Variants in LARGE1 observed in about 807,000 individuals in gnomAD.
The protein encoded by LARGE1 is xylosyl- and glucuronyltransferase LARGE1.
Under a neutral mutation model 87.6 loss-of-function variants are expected in LARGE1, and 43 were observed. The ratio of observed to expected loss-of-function variants is 0.49; its 90% CI spans 0.38 to 0.63. The LOEUF is 0.63. LARGE1 is among the 30% of genes least tolerant of loss of function. The pLI is 0.00. For synonymous variants in LARGE1, 434 were observed against 394.6 expected, an observed-to-expected ratio of 1.10 and a Z score of -1.18; for missense variants, 802 against 1,000.2, an observed-to-expected ratio of 0.80 and a Z score of 2.67.
In LARGE1 at chr22:33,509,958, C is replaced by T. The variant is rs80264225; in HGVS notation, c.787+54890G>A. On this transcript the variant is annotated intron_variant, in intron 6 of 14. Coordinates refer to ENST00000397394, the MANE Select transcript of LARGE1 (RefSeq NM_133642.5). ...AAAGTCTCGCCGCTCCCCTGTGAGC[C>T]CTCATCTCTGACCTTGCTTTGATCT... Among the ~76,000 whole-genome samples, 201 of 152,214 alleles carry T rather than the reference C, an allele frequency of 1.3e-3. 1 individual carries two copies. The highest frequency in any genetic ancestry group is 3.4e-3 in the Middle Eastern group (1 of 294).
At chr22:33,173,644 A>ATTG (rs1267765817) in intron 11 of LARGE1, among the ~76,000 whole-genome samples, 1 of 151,264 alleles carries the variant, frequency 6.6e-6, no homozygotes, top group African/African-American at 2.4e-5. Flanking sequence ...AAGGAGGAAG[A>ATTG]TTTACTGAGC....
chr22:33,767,460 T>A (rs5754663), intron 1 of LARGE1, among the ~76,000 whole-genome samples: 2 of 148,508 alleles, frequency 1.3e-5, no homozygotes, highest in East Asian at 3.9e-4. Flanking sequence ...TAAGCTTTAA[T>A]ATATATACAT....
At chr22:33,816,852 T>A (rs2086668720) in intron 1 of LARGE1, among the ~76,000 whole-genome samples, 1 of 152,130 alleles carries the variant, frequency 6.6e-6, no homozygotes. Context: ...CTCAATCATT[T>A]CAAATTCCAG....
In LARGE1 at chr22:33,736,705, C is replaced by T. The variant is rs539597992; in HGVS notation, c.106+24666G>A. Among the ~76,000 whole-genome samples the T allele has an allele frequency of 2.6e-4, 39 of 152,200 alleles. No individual in the cohort carries two copies. The East Asian group carries it at 6.8e-3, about 26-fold the overall frequency. ...TAGTGTCATATCTCAGAAACCGTTG[C>T]CTAATCTAAAGTCACAAAGATTTAC... On this transcript the variant is annotated intron_variant, in intron 2 of 14. Transcript: ENST00000397394.
At chr22:33,363,549 G>A (rs1351041866) in intron 9 of LARGE1, among the ~76,000 whole-genome samples, 1 of 149,382 alleles carries the variant, frequency 6.7e-6, no homozygotes, top group African/African-American at 2.5e-5. Flanking sequence ...CAACACATGG[G>A]GATTATGGGG....
intron 11 of LARGE1, among the ~76,000 whole-genome samples, chr22:33,236,594 C>A (rs545362317): frequency 7.4e-4 from 112 of 152,224 alleles, no homozygotes; most frequent in Non-Finnish European, 1.4e-3. Flanking sequence ...TTCCGCCAGA[C>A]TGAATTTCAA....
intron 1 of LARGE1, among the ~76,000 whole-genome samples, chr22:33,777,573 G>C (rs1288242723): frequency 2.7e-5 from 4 of 148,206 alleles, no homozygotes; most frequent in African/African-American, 9.9e-5. Flanking sequence ...AGCCCAGGAG[G>C]TCAAGGCTGC....
intron 1 of LARGE1, among the ~76,000 whole-genome samples, chr22:33,859,339 CT>C: frequency 6.6e-6 from 1 of 152,300 alleles, no homozygotes; most frequent in East Asian, 1.9e-4. Context: ...AACGCACGAG[CT>C]TTGGGAAAAG....
rs112297029 is a variant in LARGE1, at chr22:33,552,046, C to T, written c.787+12802G>A. Among the ~76,000 whole-genome samples, 402 of 149,104 alleles carry T rather than the reference C, an allele frequency of 2.7e-3. 3 individuals are homozygous for T. In the Middle Eastern group the frequency reaches 0.031, roughly 12 times the overall value. On this transcript the variant is annotated intron_variant, in intron 6 of 14. Coordinates refer to ENST00000397394, the MANE Select transcript of LARGE1 (RefSeq NM_133642.5). ...CTAGCTAAAAAATTCACATTAATCA[C>T]GGGTAATACTAAAATGTTCCCAGAA...
At chr22:33,580,161 G>A (rs969285202) in intron 5 of LARGE1, among the ~76,000 whole-genome samples, 3 of 151,836 alleles carry the variant, frequency 2.0e-5, no homozygotes, top group African/African-American at 7.3e-5. Context: ...ACCTGAGCTC[G>A]GGAGTTTGAG....
At chr22:33,139,383 C>A in the LARGE1 span, among the ~76,000 whole-genome samples, 1 of 152,032 alleles carries the variant, frequency 6.6e-6, no homozygotes, top group African/African-American at 2.4e-5. Flanking sequence ...TGTCTACTCC[C>A]TACTCTCTTT....
intron 7 of LARGE1, among the ~76,000 whole-genome samples, chr22:33,394,724 T>C (rs1184753999): frequency 2.0e-5 from 3 of 149,210 alleles, no homozygotes; most frequent in Admixed American, 6.6e-5. Flanking sequence ...TGTGTGTGTG[T>C]GTGTGTGTGT....
intron 11 of LARGE1, among the ~76,000 whole-genome samples, chr22:33,177,631 A>C (rs1191040515): frequency 6.6e-6 from 1 of 152,214 alleles, no homozygotes; most frequent in Non-Finnish European, 1.5e-5. Flanking sequence ...TCTCAGTCTA[A>C]AGTAGATAAA....
intron 1 of LARGE1, among the ~76,000 whole-genome samples, chr22:33,912,074 A>G (rs1257120556): frequency 6.6e-6 from 1 of 152,230 alleles, no homozygotes; most frequent in Non-Finnish European, 1.5e-5. Context: ...CCACCGGCCT[A>G]TGGGCTTGCC....
chr22:33,693,044 C>T (rs978083727), intron 2 of LARGE1, among the ~76,000 whole-genome samples: 1 of 152,172 alleles, frequency 6.6e-6, no homozygotes, highest in Non-Finnish European at 1.5e-5. Context: ...GGTGCATATA[C>T]ACCATGGAAT....
At chr22:33,806,847 TA>T (rs1372362197) in intron 1 of LARGE1, among the ~76,000 whole-genome samples, 1 of 152,058 alleles carries the variant, frequency 6.6e-6, no homozygotes, top group Non-Finnish European at 1.5e-5. Flanking sequence ...CCATCTCTAG[TA>T]AAAATACAAA....
At position 33,205,157 on chromosome 22, in the gene LARGE1, A is replaced by AC. The variant is rs1052492520; in HGVS notation, c.1731-38326dup. Among the ~76,000 whole-genome samples, 3 of 152,164 alleles carry AC rather than the reference A, an allele frequency of 2.0e-5. No homozygotes were observed. The East Asian group carries it at 5.8e-4, about 29-fold the overall frequency. On this transcript the variant is annotated intron_variant, in intron 11 of 11. Transcript: ENST00000608642. ...TTCTTTAAGACCTGTCTCAGATGCT[A>AC]CCCCCTTCAAGCTTCTGTCTGTAAT...
chr22:33,628,027 C>A (rs1013715623), intron 3 of LARGE1, among the ~76,000 whole-genome samples: 3 of 152,104 alleles, frequency 2.0e-5, no homozygotes, highest in African/African-American at 7.2e-5. Context: ...ACTCTACCCC[C>A]ACATTCAAAA....
chr22:33,248,211 G>T (rs1926855873), intron 11 of LARGE1, among the ~76,000 whole-genome samples: 1 of 151,952 alleles, frequency 6.6e-6, no homozygotes, highest in South Asian at 2.1e-4. Flanking sequence ...TTTTTGAGAT[G>T]GAGTCTTGCT....
Sources: allele counts gnomAD v4.1 joint callset (sites outside exome capture counted in the v4.1 genomes callset), GRCh38; gene constraint gnomAD v4.1.1; transcripts MANE v1.5; gene names NCBI Gene and HGNC (gene_info 2026-07-23, HGNC 2026-07-21).